Variants in ADGRB1 observed in about 807,000 individuals in gnomAD.
The protein encoded by ADGRB1 is adhesion G protein-coupled receptor B1.
In ADGRB1, 36 loss-of-function variants were observed where a neutral mutation model predicts 175.7. That is an observed-to-expected ratio of 0.20 (90% confidence interval 0.16 to 0.27). The LOEUF (loss-of-function observed/expected upper bound fraction) is 0.27, where lower values mean the gene tolerates loss of function less well. Ranked by LOEUF, ADGRB1 falls within the 10% of genes least tolerant of loss-of-function variation. The probability of loss-of-function intolerance (pLI) is 1.00; values close to 1 mark genes in which losing one functional copy is unlikely to be tolerated. For synonymous variants in ADGRB1, 1,054 were observed against 979.4 expected (o/e 1.08, Z -1.42); for missense variants, 1,731 against 2,255.3 (o/e 0.77, Z 4.71).
intron 18 of ADGRB1, among the ~76,000 whole-genome samples, chr8:142,514,677 G>C (rs1221462190): frequency 1.3e-5 from 2 of 152,126 alleles, no homozygotes; most frequent in Admixed American, 6.5e-5. Context: ...GTGTGATCAT[G>C]GTCAGGGTTC....
chr8:142,532,784 G>A (rs941174553), intron 24 of ADGRB1, among the ~76,000 whole-genome samples: 1 of 152,030 alleles, frequency 6.6e-6, no homozygotes, highest in Non-Finnish European at 1.5e-5. Flanking sequence ...GCTCTCTGAG[G>A]GTCCTGGACC....
chr8:142,459,081 G>C (rs1352442903), intron 1 of ADGRB1, among the ~76,000 whole-genome samples: 1 of 152,248 alleles, frequency 6.6e-6, no homozygotes, highest in Non-Finnish European at 1.5e-5. Flanking sequence ...CTGTTGCCGG[G>C]ATGCCCGGAG....
rs1313721876 is a variant in ADGRB1 at position 142,492,281 on chromosome 8, C to A, written c.2675+1466C>A. Among the ~76,000 whole-genome samples the A allele has an allele frequency of 1.3e-5, 2 of 152,188 alleles. No homozygotes were observed. Among genetic ancestry groups the A allele is most frequent in the Non-Finnish European group, 2.9e-5 (2 of 68,036 alleles). ...TCGCCCACTGCTCACCACCCTTCCT[C>A]CGGCGGTCACTACCCTCTGATGGGC... is the stretch of plus-strand genomic sequence containing the variant. On this transcript the variant is annotated intron_variant, in intron 17 of 30. Coordinates refer to ENST00000517894, the MANE Select transcript of ADGRB1 (RefSeq NM_001702.3). The surrounding 1 kb of genome is among the most constrained non-coding windows in gnomAD (Gnocchi z 4.4).
At chr8:142,535,898 T>G (rs1587437960) in intron 25 of ADGRB1, among the ~76,000 whole-genome samples, 1 of 151,594 alleles carries the variant, frequency 6.6e-6, no homozygotes, top group Non-Finnish European at 1.5e-5. Flanking sequence ...TGTCCGGGGG[T>G]CAGAGGCCAC....
chr8:142,494,685 C>T (rs1842131386), intron 17 of ADGRB1, among the ~76,000 whole-genome samples: 1 of 151,446 alleles, frequency 6.6e-6, no homozygotes, highest in African/African-American at 2.4e-5. Flanking sequence ...ACCTGGTGTC[C>T]CTGCACCCCA....
At chr8:142,497,936 G>C (rs1042724999) in intron 17 of ADGRB1, among the ~76,000 whole-genome samples, 6 of 152,178 alleles carry the variant, frequency 3.9e-5, no homozygotes, top group African/African-American at 1.4e-4. Flanking sequence ...GAGTGGGCTA[G>C]CCTCCTCCCA....
At chr8:142,452,394 C>T (rs955985395) in intron 1 of ADGRB1, among the ~76,000 whole-genome samples, 21 of 152,244 alleles carry the variant, frequency 1.4e-4, no homozygotes, top group African/African-American at 4.8e-4. Context: ...GGATAGAGGG[C>T]GATTCGTCGC....
chr8:142,515,236 C>T (rs1000073848), intron 18 of ADGRB1, among the ~76,000 whole-genome samples: 3 of 152,122 alleles, frequency 2.0e-5, no homozygotes, highest in South Asian at 2.1e-4. Flanking sequence ...GCCTGGGCCG[C>T]GCTGTGCCTG....
chr8:142,477,235 C>A lies in ADGRB1; in HGVS notation c.1179C>A (p.Pro393=), dbSNP rs1411712597. The A allele has an allele frequency of 2.5e-6, 4 of 1,598,800 alleles. No homozygotes were observed. The highest frequency in any genetic ancestry group is 3.4e-6 in the Non-Finnish European group (4 of 1,175,280). The change falls in exon 5 of 31, where the codon CCC becomes CCA. Residue 393 remains proline, a synonymous_variant. Transcript: ENST00000517894. The stretch of plus-strand genomic sequence containing the variant: ...CCTACAGCACGCAGTGCAGCGGACC[C>A]CTGCGCGAGCAGCGGCTGTGCAACA... ...SSSYSTQCSG[P]LREQRLCNNS...
In ADGRB1 at chr8:142,505,625, G is replaced by A. The variant is rs147727335; in HGVS notation, c.2676-5307G>A. On this transcript the variant is annotated intron_variant, in intron 17 of 30. Transcript: ENST00000517894. ...GGACTGTGGCAGAGGAGAGAGTTGG[G>A]AGGTTGGGTGAGGGAGGTTGGGGCC... is the stretch of plus-strand genomic sequence containing the variant. Among the ~76,000 whole-genome samples, 395 of 152,312 alleles carry A rather than the reference G, an allele frequency of 2.6e-3. 2 individuals are homozygous for A. Among genetic ancestry groups the A allele is most frequent in the African/African-American group, 8.3e-3 (345 of 41,580 alleles).
rs1840141258 is a variant in ADGRB1 at position 142,464,457 on chromosome 8, G to A, written c.259G>A (p.Ala87Thr). ...PRRYTLYMKVAKAPVPCSGPG... is the reference protein window; with the variant it reads ...PRRYTLYMKVTKAPVPCSGPG... ...GCGCTACACTCTCTACATGAAGGTG[G>A]CCAAGGCGCCCGTGCCCTGCAGCGG... The change falls in exon 2 of 31, where the codon GCC (alanine) becomes ACC (threonine). Residue 87 changes from alanine to threonine, a missense_variant. Coordinates refer to ENST00000517894, the MANE Select transcript of ADGRB1 (RefSeq NM_001702.3). 1 of 1,578,126 alleles carries A rather than the reference G, an allele frequency of 6.3e-7. No homozygotes were observed. The highest frequency in any genetic ancestry group is 8.6e-7 in the Non-Finnish European group (1 of 1,166,474).
intron 1 of ADGRB1, among the ~76,000 whole-genome samples, chr8:142,461,578 A>T (rs1438197935): frequency 6.6e-6 from 1 of 152,078 alleles, no homozygotes; most frequent in Non-Finnish European, 1.5e-5. Flanking sequence ...TGGTCCTTGT[A>T]CACCCCAGCT....
intron 2 of ADGRB1, among the ~76,000 whole-genome samples, chr8:142,471,301 G>A (rs910291996): frequency 2.0e-5 from 3 of 152,204 alleles, no homozygotes; most frequent in Admixed American, 6.5e-5. Context: ...CGCACCCCAC[G>A]CCCGCCTGGC....
intron 9 of ADGRB1, among the ~76,000 whole-genome samples, chr8:142,480,652 T>G (rs1227046808): frequency 1.3e-5 from 2 of 152,194 alleles, no homozygotes; most frequent in Non-Finnish European, 2.9e-5. Flanking sequence ...TAAACCAGCA[T>G]CTGCATCCAG....
At chr8:142,469,931 G>A (rs946898038) in intron 2 of ADGRB1, among the ~76,000 whole-genome samples, 1 of 152,168 alleles carries the variant, frequency 6.6e-6, no homozygotes, top group Non-Finnish European at 1.5e-5. Flanking sequence ...TTGTGCCCTC[G>A]CTGTGGGACC....
At chr8:142,512,777 C>T (rs1206601682) in intron 18 of ADGRB1, among the ~76,000 whole-genome samples, 2 of 152,348 alleles carry the variant, frequency 1.3e-5, no homozygotes, top group Non-Finnish European at 2.9e-5. Context: ...ACCAGCCAGT[C>T]ACCAGGCTGA....
intron 22 of ADGRB1, 144 bp from the exon 23 acceptor site, chr8:142,524,094 C>A: frequency 1.2e-6 from 1 of 848,168 alleles, no homozygotes; most frequent in Non-Finnish European, 1.9e-6. Context: ...GTGGGTGTGA[C>A]CTGCCCTGCA....
chr8:142,524,319 A>G lies in ADGRB1; in HGVS notation c.3312+15A>G, dbSNP rs2132148755. The G allele has an allele frequency of 6.3e-7, 1 of 1,582,226 alleles. No homozygotes were observed. The stretch of plus-strand genomic sequence containing the variant: ...CCGTTGTGCTGGTACTGACCCGCCC[A>G]GGCCCCACTCCCCACGACCCCACCT... On this transcript the variant is annotated intron_variant, in intron 23 of 30. Transcript: ENST00000517894.
At chr8:142,459,893 A>G (rs1839884247) in intron 1 of ADGRB1, among the ~76,000 whole-genome samples, 1 of 151,988 alleles carries the variant, frequency 6.6e-6, no homozygotes, top group South Asian at 2.1e-4. Context: ...CCCTGCCCCC[A>G]GCAGGCAGAG....
Sources: allele counts gnomAD v4.1 joint callset (sites outside exome capture counted in the v4.1 genomes callset), GRCh38; gene constraint gnomAD v4.1.1; non-coding constraint Gnocchi (gnomAD v3.1); transcripts MANE v1.5; gene names NCBI Gene and HGNC (gene_info 2026-07-23, HGNC 2026-07-21).